The following FBRSL1 variants were observed in gnomAD, a reference collection of about 807,000 sequenced individuals.
The protein encoded by FBRSL1 is fibrosin-1-like protein.
Under a neutral mutation model 89.6 loss-of-function variants are expected in FBRSL1, and 51 were observed. The ratio of observed to expected loss-of-function variants is 0.57; its 90% CI spans 0.45 to 0.72. The LOEUF (loss-of-function observed/expected upper bound fraction) is 0.72, where lower values mean the gene tolerates loss of function less well. FBRSL1 is among the 30% of genes least tolerant of loss of function. The pLI is 0.00. For missense variants in FBRSL1, 1,618 were observed against 1,451.8 expected, an observed-to-expected ratio of 1.11 and a Z score of -1.86; for synonymous variants, 779 against 681.1, an observed-to-expected ratio of 1.14 and a Z score of -2.24.
intron 2 of FBRSL1, among the ~76,000 whole-genome samples, chr12:132,514,512 A>T (rs1201014364): frequency 1.3e-5 from 2 of 152,218 alleles, no homozygotes; most frequent in Middle Eastern, 3.2e-3. Flanking sequence ...AGCAGTTCAC[A>T]AAGCTGTGGG....
At chr12:132,572,496 C>T (rs756640444) in intron 10 of FBRSL1, 31 bp from the exon 11 acceptor site, 8 of 1,525,270 alleles carry the variant, frequency 5.2e-6, no homozygotes, top group Middle Eastern at 1.7e-4. Context: ...GGACTTGGGC[C>T]CCCCCTCCAT....
At chr12:132,503,589 C>T (rs2033306554) in intron 1 of FBRSL1, among the ~76,000 whole-genome samples, 1 of 152,220 alleles carries the variant, frequency 6.6e-6, no homozygotes, top group Non-Finnish European at 1.5e-5. Flanking sequence ...AGTCCCCACA[C>T]GGGGCCATGG....
intron 1 of FBRSL1, among the ~76,000 whole-genome samples, chr12:132,493,602 C>A (rs1307551129): frequency 6.6e-6 from 1 of 152,214 alleles, no homozygotes; most frequent in Non-Finnish European, 1.5e-5. Flanking sequence ...GCCCTGTGCC[C>A]GGGGCAGGTC....
chr12:132,570,390 G>C lies in FBRSL1; in HGVS notation c.1063G>C (p.Gly355Arg). ...LGKHVSLSPH[G>R]PGPHLSTSHL... Reference sequence around the variant, plus strand: ...GAAGCACGTGTCGCTGTCGCCACACGGGCCGGGCCCCCACCTGTCTACCTC... The same window carrying C: ...GAAGCACGTGTCGCTGTCGCCACACCGGCCGGGCCCCCACCTGTCTACCTC... Residue 355 changes from glycine (G) to arginine (R), a missense_variant, in exon 8 of 19, where the codon GGG (glycine) becomes CGG (arginine). Gly to Arg is a moderately radical substitution (Grantham distance 125). Transcript: ENST00000680143. The C allele has an allele frequency of 6.5e-7, 1 of 1,534,106 alleles. No individual in the cohort carries two copies. The highest frequency in any genetic ancestry group is 1.2e-5 in the South Asian group (1 of 83,604).
intron 2 of FBRSL1, among the ~76,000 whole-genome samples, chr12:132,514,184 G>A (rs115721859): frequency 0.016 from 2,404 of 152,308 alleles, 74 homozygotes; most frequent in African/African-American, 0.054. Flanking sequence ...CATGCTGGGC[G>A]ACTGTGGTGA....
intron 2 of FBRSL1, chr12:132,509,242 TCCAGCCCAG>T (rs2034047094): frequency 6.4e-6 from 8 of 1,252,944 alleles, no homozygotes; most frequent in Non-Finnish European, 7.0e-6. Context: ...CAGCAACAGC[TCCAGCCCAG>T]CCAGTCCAGC....
At chr12:132,532,777 G>A (rs1362974860) in intron 4 of FBRSL1, among the ~76,000 whole-genome samples, 2 of 152,216 alleles carry the variant, frequency 1.3e-5, no homozygotes, top group African/African-American at 4.8e-5. Context: ...CAGAGGGGCC[G>A]GTGAGAGGCC....
intron 5 of FBRSL1, among the ~76,000 whole-genome samples, chr12:132,557,193 T>TA (rs1224247820): frequency 2.0e-5 from 3 of 152,206 alleles, no homozygotes; most frequent in African/African-American, 7.2e-5. Flanking sequence ...CAGACGCAGT[T>TA]ACAGTGTTGG....
At chr12:132,498,884 A>G (rs1593236680) in intron 1 of FBRSL1, among the ~76,000 whole-genome samples, 1 of 152,082 alleles carries the variant, frequency 6.6e-6, no homozygotes, top group Admixed American at 6.5e-5. Flanking sequence ...CATGGTACTC[A>G]CCCCACTGGG....
chr12:132,547,959 G>T, intron 4 of FBRSL1, 44 bp from the exon 5 acceptor site: 1 of 1,548,894 alleles, frequency 6.5e-7, no homozygotes, highest in East Asian at 2.4e-5. Context: ...GGGTGACACT[G>T]GTTGGTGGGG....
Position 132,571,595 on chromosome 12 carries a change from G to C in FBRSL1, c.1377+364G>C, listed in dbSNP as rs886263614. The C allele has an allele frequency of 8.4e-6, 9 of 1,077,764 alleles. No individual in the cohort carries two copies. In the African/African-American group the frequency reaches 1.0e-4, roughly 12 times the overall value. 66.8% of individuals were successfully genotyped at this position (1,077,764 alleles called of 1,614,324 possible). A position where few individuals can be genotyped will look rare whatever the true frequency, so the allele number is the denominator to read the frequency against. Reference sequence around the variant, plus strand: ...CGGGGACACGCAGCAGGCACACACAGACACACGCTCGCACACACACCAGCC... The same window carrying C: ...CGGGGACACGCAGCAGGCACACACACACACACGCTCGCACACACACCAGCC... On this transcript the variant is annotated intron_variant, in intron 9 of 18. Transcript: ENST00000680143.
At chr12:132,576,201 T>C (rs968592810) in intron 14 of FBRSL1, among the ~76,000 whole-genome samples, 3 of 151,440 alleles carry the variant, frequency 2.0e-5, no homozygotes, top group Non-Finnish European at 2.9e-5. Context: ...AGTTTCTTTT[T>C]TTTTTTCTTG....
At chr12:132,496,557 G>A (rs1229515398) in intron 1 of FBRSL1, among the ~76,000 whole-genome samples, 2 of 152,210 alleles carry the variant, frequency 1.3e-5, no homozygotes, top group Non-Finnish European at 2.9e-5. Context: ...AGCACAGGCA[G>A]TTTCTAGGGG....
rs1369732476 is a variant in FBRSL1, at chr12:132,570,328, C to T, written c.1008-7C>T. The T allele has an allele frequency of 6.5e-7, 1 of 1,528,748 alleles. No homozygotes were observed. The highest frequency in any genetic ancestry group is 1.4e-5 in the African/African-American group (1 of 72,188). The allele number at this position is 1,528,748 out of a possible 1,614,324, so 94.7% of individuals were successfully genotyped here. On this transcript the variant is annotated splice_polypyrimidine_tract_variant and splice_region_variant and intron_variant, in intron 7 of 18. Transcript: ENST00000680143. ...GGCTGGCAGGCACTGAGCCCCGTGTCCCGCAGCAGGAGCAGCAGCGCCCCC... is the reference window on the plus strand; with the variant it reads ...GGCTGGCAGGCACTGAGCCCCGTGTTCCGCAGCAGGAGCAGCAGCGCCCCC...
In FBRSL1 at chr12:132,584,908, T is replaced by G. The variant is rs1478320886; in HGVS notation, c.*1130T>G. ...AGGCATCAGCGTCACCTCGGTGTGGTCGTCGCCTCCCAGGCCCTTGGCCTG... is the reference window on the plus strand; with the variant it reads ...AGGCATCAGCGTCACCTCGGTGTGGGCGTCGCCTCCCAGGCCCTTGGCCTG... On this transcript the variant is annotated 3_prime_UTR_variant, in exon 19 of 19. Transcript: ENST00000680143. 5 of 151,918 alleles carry G rather than the reference T, an allele frequency of 3.3e-5. No homozygotes were observed. Among genetic ancestry groups the G allele is most frequent in the African/African-American group, 4.8e-5 (2 of 41,250 alleles). 9.4% of individuals were successfully genotyped at this position (151,918 alleles called of 1,614,324 possible).
At chr12:132,503,506 G>A (rs1455375106) in intron 1 of FBRSL1, among the ~76,000 whole-genome samples, 5 of 152,376 alleles carry the variant, frequency 3.3e-5, no homozygotes, top group South Asian at 2.1e-4. Context: ...GTGAGTGTGA[G>A]CCATGGGGGA....
Position 132,582,198 on chromosome 12 carries a change from CGCGGAGCGGGTGTCA to C in FBRSL1, c.2136_2150del (p.Glu713_Ala717del). 6.5e-7 allele frequency: 1 copy of C among 1,550,190 alleles called. No individual in the cohort carries two copies. Among genetic ancestry groups the C allele is most frequent in the East Asian group, 2.4e-5 (1 of 40,908 alleles). On this transcript the variant is annotated inframe_deletion, in exon 18 of 19. Coordinates refer to ENST00000680143, the MANE Select transcript of FBRSL1 (RefSeq NM_001367871.1). ...CGCCCCCGTGGCCCAAGTCCGTGGA[CGCGGAGCGGGTGTCA>C]GCCCTGACCAACCATGACCGAGAGC...
rs1033158590 is a variant in FBRSL1, at chr12:132,583,160, C to G, written c.2391C>G (p.Pro797=). ...SPAKEEAAKM[P]ARASPPHSKA... The stretch of plus-strand genomic sequence containing the variant: ...CCAAGGAGGAGGCCGCCAAGATGCC[C>G]GCGCGCGCATCCCCGCCCCACAGCA... The change falls in exon 19 of 19, where the codon CCC becomes CCG. Residue 797 remains proline, a synonymous_variant. Transcript: ENST00000680143. 1.3e-5 allele frequency: 19 copies of G among 1,461,520 alleles called. No individual in the cohort carries two copies. The African/African-American group carries it at 2.7e-4, about 21-fold the overall frequency. 90.5% of individuals were successfully genotyped at this position (1,461,520 alleles called of 1,614,324 possible). A position where few individuals can be genotyped will look rare whatever the true frequency, so the allele number is the denominator to read the frequency against.
At chr12:132,567,642 G>A in intron 6 of FBRSL1, 116 bp downstream of exon 6, 1 of 1,094,404 alleles carries the variant, frequency 9.1e-7, no homozygotes, top group Non-Finnish European at 1.3e-6. Context: ...GGCACCTGGG[G>A]TGCAGAGCTG....
Sources: gnomAD v4.1 joint callset for allele counts (sites outside exome capture counted in the v4.1 genomes callset) on GRCh38, gnomAD v4.1.1 for gene constraint, MANE v1.5 for transcripts, NCBI Gene and HGNC (gene_info 2026-07-23, HGNC 2026-07-21) for gene names.